ARHGEF2: variants seen among roughly 807,000 people sequenced by gnomAD.
ARHGEF2 encodes the protein rho guanine nucleotide exchange factor 2.
In ARHGEF2, 22 loss-of-function variants were observed where a neutral mutation model predicts 121.0. That is an observed-to-expected ratio of 0.18 (90% CI 0.13 to 0.26). The LOEUF (loss-of-function observed/expected upper bound fraction) is 0.26, where lower values mean the gene tolerates loss of function less well. Ranked by LOEUF, ARHGEF2 falls within the 10% of genes least tolerant of loss-of-function variation. The probability of loss-of-function intolerance (pLI) is 1.00; values close to 1 mark genes in which losing one functional copy is unlikely to be tolerated. For synonymous variants in ARHGEF2, 487 were observed against 530.0 expected, an observed-to-expected ratio of 0.92 and a Z score of 1.11; for missense variants, 907 against 1,336.0, an observed-to-expected ratio of 0.68 and a Z score of 5.01.
intron 15 of ARHGEF2, 29 bp downstream of exon 15, chr1:155,952,599 C>A (rs766486916): frequency 6.3e-7 from 1 of 1,593,396 alleles, no homozygotes; most frequent in Non-Finnish European, 8.6e-7. Context: ...AGTGCTTGAG[C>A]CTGGACTCTT....
upstream of ARHGEF2, chr1:155,978,913 C>T: frequency 1.0e-6 from 1 of 986,148 alleles, no homozygotes; most frequent in Non-Finnish European, 1.2e-6. The surrounding 1 kb of genome is among the most constrained non-coding windows in gnomAD (Gnocchi z 4.1). Flanking sequence ...ACTGCGTTAC[C>T]TCAGTCTTTA....
upstream of ARHGEF2, chr1:155,978,778 C>A (rs1681818619): frequency 1.1e-6 from 1 of 894,374 alleles, no homozygotes; most frequent in Non-Finnish European, 1.4e-6. This position sits in a 1 kb window ranked among gnomAD's most constrained non-coding sequence, Gnocchi z 4.1. Flanking sequence ...GCCCCAGAGA[C>A]CCGCCTCTTA....
intron 11 of ARHGEF2, among the ~76,000 whole-genome samples, chr1:155,960,047 G>A (rs1331732571): frequency 6.6e-6 from 1 of 152,098 alleles, no homozygotes; most frequent in African/African-American, 2.4e-5. Context: ...TTCAACCCCA[G>A]CAGGCCCCTG....
Position 155,964,994 on chromosome 1 carries a change from T to C in ARHGEF2, c.718A>G (p.Ile240Val). Residue 240 changes from isoleucine to valine, a missense_variant, in exon 7 of 22, where the codon ATC (isoleucine) becomes GTC (valine). Physicochemically the swap from Ile to Val is conservative, Grantham distance 29 (BLOSUM62 3). This residue lies in a region of ARHGEF2 where 475 missense variants were observed against 776.5 expected (regional missense o/e 0.61). Coordinates refer to ENST00000361247, the MANE Select transcript of ARHGEF2 (RefSeq NM_001162383.2). ...KKEVMKQQDVIYELIQTELHH... is the reference protein window; with the variant it reads ...KKEVMKQQDVVYELIQTELHH... ...TAGGGTGGTCTTGGCTTACCATAGA[T>C]GACATCTTGCTGCTTCATCACCTCC... is the stretch of plus-strand genomic sequence containing the variant. 1 of 1,614,026 alleles carries C rather than the reference T, an allele frequency of 6.2e-7. No homozygotes were observed. The highest frequency in any genetic ancestry group is 8.5e-7 in the Non-Finnish European group (1 of 1,179,964).
At chr1:155,969,709 G>A (rs1558044796) in intron 1 of ARHGEF2, 1 of 1,007,708 alleles carries the variant, frequency 9.9e-7, no homozygotes. Flanking sequence ...GAAGCGGAGG[G>A]TGCCAGCTCA....
In ARHGEF2 at chr1:155,950,545, C is replaced by T; in HGVS notation, c.2704-63G>A. 1 of 1,550,582 alleles carries T rather than the reference C, an allele frequency of 6.4e-7. No individual in the cohort carries two copies. The highest frequency in any genetic ancestry group is 8.8e-7 in the Non-Finnish European group (1 of 1,130,844). On this transcript the variant is annotated intron_variant, in intron 20 of 21. Coordinates refer to ENST00000361247, the MANE Select transcript of ARHGEF2 (RefSeq NM_001162383.2). This position sits in a 1 kb window ranked among gnomAD's most constrained non-coding sequence, Gnocchi z 5.2. The stretch of plus-strand genomic sequence containing the variant: ...CTGAGTAGTGTGAAGATTGGAGGTT[C>T]TGCTTGGCTGAAGGCAGCAGCTCTC...
Position 155,952,631 on chromosome 1 carries a change from C to T in ARHGEF2, c.1981G>A (p.Glu661Lys). Residue 661 changes from glutamate to lysine, a missense_variant, in exon 15 of 22, where the codon GAG becomes AAG. Glu to Lys is a moderately conservative substitution (Grantham distance 56). Transcript: ENST00000361247. ...GERLLQDAIR[E>K]VEGLKDLLVG... is the part of the protein sequence containing the mutation. ...TCTTCCCTGGGAGCTCCCTCACCCT[C>T]ACGGATGGCATCCTGCAGCAGCCGC... 1.2e-6 allele frequency: 2 copies of T among 1,610,666 alleles called. No individual in the cohort carries two copies. The highest frequency in any genetic ancestry group is 2.7e-5 in the African/African-American group (2 of 75,028).
At position 155,956,024 on chromosome 1, in the gene ARHGEF2, A is replaced by C. The variant is rs532724850; in HGVS notation, c.1716-1055T>G. On this transcript the variant is annotated intron_variant, in intron 13 of 21. Coordinates refer to ENST00000361247, the MANE Select transcript of ARHGEF2 (RefSeq NM_001162383.2). The stretch of plus-strand genomic sequence containing the variant: ...CGCCTGGCCACAATTATAAATATTA[A>C]TACTATTAATAAAGAAGCCACTACA... 7.9e-5 allele frequency among the ~76,000 whole-genome samples: 12 copies of C among 151,872 alleles called. No homozygotes were observed. In the East Asian group the frequency reaches 1.8e-3, roughly 22 times the overall value.
chr1:155,969,704 G>A lies in ARHGEF2; in HGVS notation c.64-404C>T, dbSNP rs146608980. 2.1e-4 allele frequency: 216 copies of A among 1,010,472 alleles called. No individual in the cohort carries two copies. In the African/African-American group the frequency reaches 2.6e-3, roughly 12 times the overall value. The allele number at this position is 1,010,472 out of a possible 1,614,324, so 62.6% of individuals were successfully genotyped here. A position where few individuals can be genotyped will look rare whatever the true frequency, so the allele number is the denominator to read the frequency against. ...GAGAGGAGGGGAGAGCAGGCGAAGC[G>A]GAGGGTGCCAGCTCACCAGCGCTTT... On this transcript the variant is annotated intron_variant, in intron 1 of 21. Transcript: ENST00000361247.
upstream of ARHGEF2, chr1:155,978,850 CT>C: frequency 1.0e-6 from 1 of 988,868 alleles, no homozygotes; most frequent in Non-Finnish European, 1.2e-6. This position sits in a 1 kb window ranked among gnomAD's most constrained non-coding sequence, Gnocchi z 4.1. Flanking sequence ...GCCCTTTCCC[CT>C]CTGCCCTCCC....
chr1:155,954,174 G>A (rs1400848838), intron 14 of ARHGEF2, among the ~76,000 whole-genome samples: 9 of 147,892 alleles, frequency 6.1e-5, no homozygotes, highest in African/African-American at 2.2e-4. Flanking sequence ...TGCTATGTAT[G>A]TTTTGTTGCC....
rs867121463 is a variant in ARHGEF2 at position 155,947,559 on chromosome 1, G to T, written c.*383C>A. The T allele has an allele frequency of 5.0e-6, 2 of 398,382 alleles. No homozygotes were observed. Among genetic ancestry groups the T allele is most frequent in the Middle Eastern group, 7.8e-4 (1 of 1,274 alleles). The allele number at this position is 398,382 out of a possible 1,614,324, so 24.7% of individuals were successfully genotyped here. A position where few individuals can be genotyped will look rare whatever the true frequency, so the allele number is the denominator to read the frequency against. ...AGGGCAAGAACCCAGCAGCTGCGTG[G>T]ATGAGCCTGAATATACCCCAGTAGT... On this transcript the variant is annotated 3_prime_UTR_variant, in exon 22 of 22. Coordinates refer to ENST00000361247, the MANE Select transcript of ARHGEF2 (RefSeq NM_001162383.2).
At chr1:155,968,969 C>T in intron 2 of ARHGEF2, 187 bp downstream of exon 2, 1 of 668,438 alleles carries the variant, frequency 1.5e-6, no homozygotes. Flanking sequence ...ATGCCATATT[C>T]CAACAGCCAC....
In ARHGEF2 at chr1:155,950,502, A is replaced by C. The variant is rs1034949246; in HGVS notation, c.2704-20T>G. 8 of 1,611,170 alleles carry C rather than the reference A, an allele frequency of 5.0e-6. No individual in the cohort carries two copies. The African/African-American group carries it at 1.1e-4, about 22-fold the overall frequency. On this transcript the variant is annotated intron_variant, in intron 20 of 21. Transcript: ENST00000361247. The surrounding 1 kb of genome is among the most constrained non-coding windows in gnomAD (Gnocchi z 5.2). ...GCTGGGCTGTGGACAGTGGGCAGGA[A>C]GAACAGCAGGTCAGGGACTGAGTAG...
chr1:155,956,132 C>T (rs1230471939), intron 13 of ARHGEF2, among the ~76,000 whole-genome samples: 1 of 152,050 alleles, frequency 6.6e-6, no homozygotes, highest in East Asian at 1.9e-4. Context: ...TGGAGTCTCA[C>T]TCTGTCACCT....
At chr1:155,978,664 G>A, upstream of ARHGEF2, 1 of 1,117,338 alleles carries the variant, frequency 8.9e-7, no homozygotes, top group Non-Finnish European at 1.1e-6. This position sits in a 1 kb window ranked among gnomAD's most constrained non-coding sequence, Gnocchi z 4.1. Flanking sequence ...AGGACGGGAC[G>A]CCAGGGTTTG....
chr1:155,966,516 G>C, intron 3 of ARHGEF2, 37 bp from the exon 4 acceptor site: 1 of 1,610,744 alleles, frequency 6.2e-7, no homozygotes, highest in South Asian at 1.1e-5. Context: ...TACCAAGAAT[G>C]GCTGTCACCC....
intron 2 of ARHGEF2, 157 bp downstream of exon 2, chr1:155,968,999 A>G: frequency 3.6e-6 from 3 of 827,502 alleles, no homozygotes; most frequent in Non-Finnish European, 5.7e-6. Flanking sequence ...GAGTGAGGAC[A>G]GGGAGCAAGG....
At position 155,978,321 on chromosome 1, in the gene ARHGEF2, G is replaced by A. The variant is rs2102702557; in HGVS notation, c.63+44C>T. 6.9e-7 allele frequency: 1 copy of A among 1,441,670 alleles called. No homozygotes were observed. The highest frequency in any genetic ancestry group is 1.8e-4 in the Middle Eastern group (1 of 5,546). The allele number at this position is 1,441,670 out of a possible 1,614,324, so 89.3% of individuals were successfully genotyped here. On this transcript the variant is annotated intron_variant, in intron 1 of 21. Coordinates refer to ENST00000361247, the MANE Select transcript of ARHGEF2 (RefSeq NM_001162383.2). This position sits in a 1 kb window ranked among gnomAD's most constrained non-coding sequence, Gnocchi z 4.1. The stretch of plus-strand genomic sequence containing the variant: ...CACCGCGGGTGCCGGGGTTCGGGGA[G>A]CACCCGAGGACCGCGGCGAAAGGAG...
Sources: gnomAD v4.1 joint callset for allele counts (sites outside exome capture counted in the v4.1 genomes callset) on GRCh38, gnomAD v4.1.1 for gene constraint, gnomAD v4.1.1 regional missense constraint, Gnocchi (gnomAD v3.1) non-coding constraint, MANE v1.5 for transcripts, NCBI Gene and HGNC (gene_info 2026-07-23, HGNC 2026-07-21) for gene names.